The following TRDN variants were observed in gnomAD, a reference collection of about 807,000 sequenced individuals.
TRDN encodes triadin.
A neutral mutation model predicts 149.7 loss-of-function variants in TRDN; 161 were observed. The observed-to-expected ratio is 1.08, with a 90% CI of 0.95 to 1.23. TRDN has a LOEUF of 1.23. Among genes scored for constraint, TRDN ranks in the 50% most tolerant of loss-of-function variants. TRDN has a pLI of 0.00. For missense variants in TRDN, 896 were observed against 823.5 expected, an observed-to-expected ratio of 1.09 and a Z score of -1.08; for synonymous variants, 294 against 250.5, an observed-to-expected ratio of 1.17 and a Z score of -1.64.
chr6:123,288,302 C>T (rs977189043), intron 24 of TRDN, among the ~76,000 whole-genome samples: 4 of 151,908 alleles, frequency 2.6e-5, no homozygotes, highest in Non-Finnish European at 4.4e-5. Context: ...AAGAAAACAC[C>T]GGAAGAACTC....
intron 20 of TRDN, among the ~76,000 whole-genome samples, chr6:123,364,550 T>C (rs1781018549): frequency 6.6e-6 from 1 of 152,066 alleles, no homozygotes; most frequent in Non-Finnish European, 1.5e-5. Context: ...GGCAAGAGAA[T>C]TGCTTGAGAA....
Position 123,503,848 on chromosome 6 carries a change from C to G in TRDN, c.664G>C (p.Val222Leu). The G allele has an allele frequency of 6.3e-7, 1 of 1,597,112 alleles. No individual in the cohort carries two copies. The highest frequency in any genetic ancestry group is 1.1e-5 in the South Asian group (1 of 89,416). The change falls in exon 8 of 41, where the codon GTG becomes CTG. Residue 222 changes from valine (V) to leucine (L), a missense_variant. Coordinates refer to ENST00000334268, the MANE Select transcript of TRDN (RefSeq NM_006073.4). ...EKSEEKTKKEVKGGKQEKVKQ... is the reference protein window; with the variant it reads ...EKSEEKTKKELKGGKQEKVKQ... ...ACTTTCTCCTGTTTTCCACCTTTCA[C>G]TTCCTTTTTAGTCTTTTCTTCACTC...
intron 12 of TRDN, among the ~76,000 whole-genome samples, chr6:123,427,294 A>G (rs1031517825): frequency 6.6e-6 from 1 of 151,112 alleles, no homozygotes; most frequent in African/African-American, 2.4e-5. Flanking sequence ...TTTTTTTTTA[A>G]TAACTAACCT....
intron 12 of TRDN, among the ~76,000 whole-genome samples, chr6:123,396,695 T>C (rs923164474): frequency 1.3e-5 from 2 of 152,200 alleles, no homozygotes; most frequent in African/African-American, 4.8e-5. Flanking sequence ...AATGTTTCAA[T>C]GTCTTCTGAT....
chr6:123,307,617 G>A (rs951374894), intron 24 of TRDN, among the ~76,000 whole-genome samples: 1 of 151,756 alleles, frequency 6.6e-6, no homozygotes, highest in African/African-American at 2.4e-5. Context: ...AGGATGACAG[G>A]GTTTTTGGTA....
At chr6:123,373,929 C>G (rs1781415005) in intron 19 of TRDN, among the ~76,000 whole-genome samples, 1 of 152,130 alleles carries the variant, frequency 6.6e-6, no homozygotes, top group African/African-American at 2.4e-5. Flanking sequence ...TATAAGTAGC[C>G]TGCTGTATGT....
chr6:123,618,933 C>G (rs992430075), intron 1 of TRDN, among the ~76,000 whole-genome samples: 5 of 151,928 alleles, frequency 3.3e-5, no homozygotes, highest in Non-Finnish European at 7.4e-5. Flanking sequence ...TAATAATCAA[C>G]ATTTATTAAA....
chr6:123,543,121 T>G (rs1780933476), intron 4 of TRDN, among the ~76,000 whole-genome samples: 1 of 152,178 alleles, frequency 6.6e-6, no homozygotes, highest in Non-Finnish European at 1.5e-5. Context: ...TATTTGATCA[T>G]GTATTCATTA....
intron 13 of TRDN, 87 bp downstream of exon 13, chr6:123,393,536 TC>T: frequency 8.3e-7 from 1 of 1,208,846 alleles, no homozygotes; most frequent in Non-Finnish European, 1.2e-6. Context: ...ATGGTGCTAT[TC>T]TGCAATAAAC....
chr6:123,248,516 C>T (rs1490119532), intron 38 of TRDN, among the ~76,000 whole-genome samples: 1 of 152,048 alleles, frequency 6.6e-6, no homozygotes, highest in East Asian at 1.9e-4. Flanking sequence ...GAGATCACGC[C>T]ACTGCACTCC....
intron 39 of TRDN, among the ~76,000 whole-genome samples, chr6:123,223,153 T>C (rs562428826): frequency 6.6e-6 from 1 of 151,788 alleles, no homozygotes; most frequent in South Asian, 2.1e-4. Context: ...TGGATATAGC[T>C]GGAGGTCATT....
chr6:123,324,949 C>A lies in TRDN; in HGVS notation c.1471+6930G>T, dbSNP rs1205910826. ...GTTATGGGTCCAACTTTCACTTTAA[C>A]AATTCTTCAGAAAATGAGTAATCAT... On this transcript the variant is annotated intron_variant, in intron 23 of 40. Transcript: ENST00000334268. Among the ~76,000 whole-genome samples the A allele has an allele frequency of 3.3e-5, 5 of 152,224 alleles. No homozygotes were observed. In the South Asian group the frequency reaches 6.2e-4, roughly 19 times the overall value.
chr6:123,517,619 C>G (rs1779474907), intron 5 of TRDN, among the ~76,000 whole-genome samples: 1 of 152,066 alleles, frequency 6.6e-6, no homozygotes, highest in Non-Finnish European at 1.5e-5. Flanking sequence ...TCTCCTTGAA[C>G]TTTATATTCT....
chr6:123,354,874 T>C (rs955791309), intron 20 of TRDN, among the ~76,000 whole-genome samples: 2 of 151,656 alleles, frequency 1.3e-5, no homozygotes, highest in Non-Finnish European at 3.0e-5. Flanking sequence ...ATTTAATTAA[T>C]ATATTTCCCT....
chr6:123,596,962 G>A (rs1273020765), intron 1 of TRDN, among the ~76,000 whole-genome samples: 2 of 151,968 alleles, frequency 1.3e-5, no homozygotes, highest in African/African-American at 2.4e-5. Context: ...CTTTTCTGTG[G>A]CCCATGGATC....
intron 34 of TRDN, among the ~76,000 whole-genome samples, 160 bp downstream of exon 34, chr6:123,260,452 T>A (rs370895687): frequency 6.6e-6 from 1 of 151,956 alleles, no homozygotes; most frequent in Non-Finnish European, 1.5e-5. Context: ...TTACTCCTTA[T>A]AACAAGCCTT....
intron 9 of TRDN, among the ~76,000 whole-genome samples, chr6:123,472,201 T>A (rs1425101529): frequency 6.6e-6 from 1 of 152,246 alleles, no homozygotes; most frequent in African/African-American, 2.4e-5. Context: ...TGCCAGACAG[T>A]GGGCGCAGGT....
intron 12 of TRDN, among the ~76,000 whole-genome samples, chr6:123,395,346 C>T (rs573062756): frequency 6.6e-6 from 1 of 152,272 alleles, no homozygotes; most frequent in South Asian, 2.1e-4. Flanking sequence ...ACTTCTCCCA[C>T]AGACTGTTTG....
chr6:123,580,963 G>T (rs1205374175), intron 1 of TRDN, among the ~76,000 whole-genome samples: 2 of 152,096 alleles, frequency 1.3e-5, no homozygotes, highest in Admixed American at 6.6e-5. Flanking sequence ...TAGAGACAGG[G>T]TCTCGCTGTA....
Sources: gnomAD v4.1 joint callset for allele counts (sites outside exome capture counted in the v4.1 genomes callset) on GRCh38, gnomAD v4.1.1 for gene constraint, MANE v1.5 for transcripts, NCBI Gene and HGNC (gene_info 2026-07-23, HGNC 2026-07-21) for gene names.